Variants in SLC6A6 observed in about 807,000 individuals in gnomAD.
SLC6A6 encodes the protein solute carrier family 6 member 6, also known as sodium- and chloride-dependent taurine transporter.
In SLC6A6, 16 loss-of-function variants were observed where a neutral mutation model predicts 68.8. The ratio of observed to expected loss-of-function variants is 0.23; its 90% CI spans 0.16 to 0.35. The LOEUF (loss-of-function observed/expected upper bound fraction) is 0.35, where lower values mean the gene tolerates loss of function less well. Ranked by LOEUF, SLC6A6 falls within the 10% of genes least tolerant of loss-of-function variation. SLC6A6 has a pLI of 1.00. For missense variants in SLC6A6, 474 were observed against 802.8 expected, an observed-to-expected ratio of 0.59 and a Z score of 4.95; for synonymous variants, 312 against 315.4, an observed-to-expected ratio of 0.99 and a Z score of 0.12.
rs200977975 is a variant in SLC6A6, at chr3:14,485,032, C to T, written c.*25C>T. On this transcript the variant is annotated 3_prime_UTR_variant, in exon 15 of 15. Coordinates refer to ENST00000622186, the MANE Select transcript of SLC6A6 (RefSeq NM_003043.6). The stretch of plus-strand genomic sequence containing the variant: ...AGCTCTCTCGGGTCGACGGGGCCGG[C>T]GGCTTTCCTGCTGTTTACTAACATT... 2.9e-4 allele frequency: 459 copies of T among 1,579,694 alleles called. No individual in the cohort carries two copies. Among genetic ancestry groups the T allele is most frequent in the African/African-American group, 4.0e-4 (30 of 74,308 alleles).
chr3:14,436,387 A>G (rs1308084000), intron 2 of SLC6A6, among the ~76,000 whole-genome samples: 4 of 151,888 alleles, frequency 2.6e-5, no homozygotes, highest in Non-Finnish European at 4.4e-5. Flanking sequence ...AACTTTTTGT[A>G]CAGACAGGGT....
rs1700667734 is a variant in SLC6A6 at position 14,468,314 on chromosome 3, C to T, written c.1096+102C>T. On this transcript the variant is annotated intron_variant, in intron 9 of 14. Coordinates refer to ENST00000622186, the MANE Select transcript of SLC6A6 (RefSeq NM_003043.6). This position sits in a 1 kb window ranked among gnomAD's most constrained non-coding sequence, Gnocchi z 4.5. Reference sequence around the variant, plus strand: ...GACCCCAGGGGGCTTTGAGGGGGGACGAGCCTGGTTTCTAAAATGGACCCC... The same window carrying T: ...GACCCCAGGGGGCTTTGAGGGGGGATGAGCCTGGTTTCTAAAATGGACCCC... 14 of 1,012,944 alleles carry T rather than the reference C, an allele frequency of 1.4e-5. No individual in the cohort carries two copies. Among genetic ancestry groups the T allele is most frequent in the South Asian group, 8.1e-5 (4 of 49,428 alleles). 62.7% of individuals were successfully genotyped at this position (1,012,944 alleles called of 1,614,324 possible). A position where few individuals can be genotyped will look rare whatever the true frequency, so the allele number is the denominator to read the frequency against.
chr3:14,471,186 C>T (rs564385320), intron 9 of SLC6A6, among the ~76,000 whole-genome samples: 1 of 141,186 alleles, frequency 7.1e-6, no homozygotes, highest in South Asian at 2.2e-4. Context: ...GCTGCCCTCG[C>T]TTCTCAGACC....
Position 14,479,129 on chromosome 3 carries a change from C to A in SLC6A6, c.1495C>A (p.Arg499=), listed in dbSNP as rs770780822. 2.5e-6 allele frequency: 4 copies of A among 1,613,468 alleles called. No individual in the cohort carries two copies. The African/African-American group carries it at 4.0e-5, about 16-fold the overall frequency. The change falls in exon 13 of 15, where the codon CGG becomes AGG. Residue 499 remains arginine (R), a synonymous_variant. Transcript: ENST00000622186. ...YDGIEDMIGY[R]PGPWMKYSWA... ...TGGTATTGAGGACATGATTGGCTAT[C>A]GGCCCGGGCCCTGGATGAAGTACAG... is the stretch of plus-strand genomic sequence containing the variant.
intron 2 of SLC6A6, among the ~76,000 whole-genome samples, chr3:14,423,099 G>A (rs925833756): frequency 2.0e-5 from 3 of 152,236 alleles, no homozygotes; most frequent in Non-Finnish European, 4.4e-5. Flanking sequence ...GGTGGCATGT[G>A]TGTTGTCCAC....
rs1700907848 is a variant in SLC6A6, at chr3:14,477,560, T to C, written c.1347+218T>C. Among the ~76,000 whole-genome samples, 1 of 152,230 alleles carries C rather than the reference T, an allele frequency of 6.6e-6. No homozygotes were observed. Among genetic ancestry groups the C allele is most frequent in the African/African-American group, 2.4e-5 (1 of 41,464 alleles). ...TACCCAATTATTTTGCCTGTTGCTG[T>C]GGCAACACTGTGACCACCCGCTGCC... On this transcript the variant is annotated intron_variant, in intron 11 of 14. Transcript: ENST00000622186. This position sits in a 1 kb window ranked among gnomAD's most constrained non-coding sequence, Gnocchi z 4.2.
Position 14,481,033 on chromosome 3 carries a change from G to A in SLC6A6, c.1552-638G>A, listed in dbSNP as rs986147939. ...TGGGGGAAGAAAGGCTTTCATCTACGCTGCTAGCACTTATGGTGCACTTGT... is the reference window on the plus strand; with the variant it reads ...TGGGGGAAGAAAGGCTTTCATCTACACTGCTAGCACTTATGGTGCACTTGT... On this transcript the variant is annotated intron_variant, in intron 13 of 14. Coordinates refer to ENST00000622186, the MANE Select transcript of SLC6A6 (RefSeq NM_003043.6). The surrounding 1 kb of genome is among the most constrained non-coding windows in gnomAD (Gnocchi z 4.7). Among the ~76,000 whole-genome samples the A allele has an allele frequency of 2.0e-5, 3 of 152,224 alleles. No homozygotes were observed. Among genetic ancestry groups the A allele is most frequent in the East Asian group, 3.9e-4 (2 of 5,194 alleles).
At chr3:14,442,732 G>A (rs1379436348) in intron 2 of SLC6A6, among the ~76,000 whole-genome samples, 1 of 152,168 alleles carries the variant, frequency 6.6e-6, no homozygotes, top group Non-Finnish European at 1.5e-5. Context: ...GGGTAACCAT[G>A]AACAGCTCCG....
At chr3:14,443,900 T>A in intron 3 of SLC6A6, 37 bp downstream of exon 3, 1 of 1,445,350 alleles carries the variant, frequency 6.9e-7, no homozygotes, top group Non-Finnish European at 9.7e-7. Flanking sequence ...GCCCATCCAG[T>A]ACAAAGCCGC....
At chr3:14,456,841 G>A (rs1434348682) in intron 5 of SLC6A6, among the ~76,000 whole-genome samples, 2 of 152,232 alleles carry the variant, frequency 1.3e-5, no homozygotes, top group African/African-American at 2.4e-5. Context: ...TCTTCCAGGG[G>A]TTCGCAAACA....
At chr3:14,458,121 G>A (rs1216714040) in intron 6 of SLC6A6, 39 bp downstream of exon 6, 1 of 1,596,764 alleles carries the variant, frequency 6.3e-7, no homozygotes, top group East Asian at 2.2e-5. Context: ...CTCCTGGAGA[G>A]CTGTGCCAGG....
At chr3:14,429,124 A>G (rs1002950130) in intron 2 of SLC6A6, among the ~76,000 whole-genome samples, 8 of 152,154 alleles carry the variant, frequency 5.3e-5, no homozygotes, top group South Asian at 2.1e-4. Flanking sequence ...GCCCAGCTCC[A>G]GGAGCCCTAG....
chr3:14,464,268 G>A (rs1234586202), intron 6 of SLC6A6, among the ~76,000 whole-genome samples: 2 of 152,160 alleles, frequency 1.3e-5, no homozygotes, highest in African/African-American at 4.8e-5. Flanking sequence ...TGCCAGTTGT[G>A]GGAGGCTTTT....
intron 3 of SLC6A6, chr3:14,444,440 T>G: frequency 4.3e-6 from 1 of 232,214 alleles, no homozygotes; most frequent in Non-Finnish European, 8.8e-6. Flanking sequence ...GGTTTTTGGA[T>G]TTTGGTTTGC....
chr3:14,415,712 A>C (rs1396358282), intron 1 of SLC6A6, among the ~76,000 whole-genome samples: 13 of 148,682 alleles, frequency 8.7e-5, no homozygotes, highest in African/African-American at 3.3e-4. Flanking sequence ...AGACAACAGA[A>C]CCCCCCCGCT....
intron 5 of SLC6A6, among the ~76,000 whole-genome samples, chr3:14,448,420 G>A (rs920753256): frequency 6.6e-6 from 1 of 152,154 alleles, no homozygotes; most frequent in African/African-American, 2.4e-5. Context: ...TAGGTCCTCC[G>A]GGTAGCTCTT....
At chr3:14,445,627 C>T in intron 3 of SLC6A6, 90 bp from the exon 4 acceptor site, 1 of 1,441,660 alleles carries the variant, frequency 6.9e-7, no homozygotes, top group Non-Finnish European at 9.7e-7. Flanking sequence ...TGCATTCTCT[C>T]TGGTTCCATT....
chr3:14,479,178 T>A lies in SLC6A6; in HGVS notation c.1544T>A (p.Leu515His). The A allele has an allele frequency of 7.5e-6, 12 of 1,606,412 alleles. No homozygotes were observed. Among genetic ancestry groups the A allele is most frequent in the Non-Finnish European group, 8.5e-6 (10 of 1,172,944 alleles). Residue 515 changes from leucine to histidine, a missense_variant, in exon 13 of 15, where the codon CTC becomes CAC. Physicochemically the swap from Leu to His is moderately conservative, Grantham distance 99 (BLOSUM62 -3). Coordinates refer to ENST00000622186, the MANE Select transcript of SLC6A6 (RefSeq NM_003043.6). ...KYSWAVITPV[L>H]CVGCFIFSLV... Reference sequence around the variant, plus strand: ...AGCTGGGCTGTGATCACTCCAGTTCTCTGTGTTGTGAGTTCCATTTCTGTG... The same window carrying A: ...AGCTGGGCTGTGATCACTCCAGTTCACTGTGTTGTGAGTTCCATTTCTGTG...
rs908243328 is a variant in SLC6A6, at chr3:14,406,276, T to C, written c.-54+3429T>C. Reference sequence around the variant, plus strand: ...AATCTTCTCGCCTCAGCCTCCCAAGTGTTGATTATAGGTGTGAGCCACCGT... The same window carrying C: ...AATCTTCTCGCCTCAGCCTCCCAAGCGTTGATTATAGGTGTGAGCCACCGT... On this transcript the variant is annotated intron_variant, in intron 1 of 14. Coordinates refer to ENST00000622186, the MANE Select transcript of SLC6A6 (RefSeq NM_003043.6). 9.2e-5 allele frequency among the ~76,000 whole-genome samples: 14 copies of C among 152,016 alleles called. 1 individual carries two copies. The highest frequency in any genetic ancestry group is 9.2e-4 in the Admixed American group (14 of 15,282).
Sources: allele counts gnomAD v4.1 joint callset (sites outside exome capture counted in the v4.1 genomes callset), GRCh38; gene constraint gnomAD v4.1.1; non-coding constraint Gnocchi (gnomAD v3.1); transcripts MANE v1.5; gene names NCBI Gene and HGNC (gene_info 2026-07-23, HGNC 2026-07-21).